Variants in IL1R1 observed in about 807,000 individuals in gnomAD.
IL1R1 encodes the protein interleukin 1 receptor type 1.
In IL1R1, 22 loss-of-function variants were observed where a neutral mutation model predicts 50.2. That is an observed-to-expected ratio of 0.44 (90% CI 0.31 to 0.63). The LOEUF (loss-of-function observed/expected upper bound fraction) is 0.63. Ranked by LOEUF, IL1R1 falls within the 20% of genes least tolerant of loss-of-function variation. The probability of loss-of-function intolerance (pLI) is 0.07; values close to 1 mark genes in which losing one functional copy is unlikely to be tolerated. For missense variants in IL1R1, 509 were observed against 676.2 expected, an observed-to-expected ratio of 0.75 and a Z score of 2.74; for synonymous variants, 251 against 236.7, an observed-to-expected ratio of 1.06 and a Z score of -0.55.
chr2:102,171,879 T>C lies in IL1R1; in HGVS notation c.800T>C (p.Ile267Thr). 1 of 1,607,778 alleles carries C rather than the reference T, an allele frequency of 6.2e-7. No homozygotes were observed. Residue 267 changes from isoleucine to threonine, a missense_variant, in exon 8 of 12, where the codon ATT becomes ACT. Coordinates refer to ENST00000410023, the MANE Select transcript of IL1R1 (RefSeq NM_000877.4). The part of the protein sequence containing the change: ...IAYWKWNGSV[I>T]DEDDPVLGED... ...TACTGGAAGTGGAATGGGTCAGTAA[T>C]TGATGAAGATGACCCAGTGCTAGGG... is the stretch of plus-strand genomic sequence containing the variant.
chr2:102,077,595 T>C (rs1270713227), intron 1 of IL1R1, among the ~76,000 whole-genome samples: 1 of 152,246 alleles, frequency 6.6e-6, no homozygotes, highest in Admixed American at 6.5e-5. Context: ...ATTCTTGCTC[T>C]GTGTTAGTTC....
At chr2:102,102,047 T>G (rs1680166727), upstream of IL1R1, among the ~76,000 whole-genome samples, 1 of 152,180 alleles carries the variant, frequency 6.6e-6, no homozygotes, top group African/African-American at 2.4e-5. Context: ...CCTCCAATTT[T>G]TCTCCTTTTT....
At chr2:102,163,572 C>A (rs1684913466) in intron 3 of IL1R1, among the ~76,000 whole-genome samples, 1 of 152,048 alleles carries the variant, frequency 6.6e-6, no homozygotes, top group South Asian at 2.1e-4. Context: ...AAATCTCTTT[C>A]ATGTCTTCAC....
intron 1 of IL1R1, among the ~76,000 whole-genome samples, chr2:102,074,777 G>A (rs570231161): frequency 6.6e-6 from 1 of 152,300 alleles, no homozygotes; most frequent in South Asian, 2.1e-4. Flanking sequence ...AACAATACAG[G>A]AAGGGATTTT....
At chr2:102,175,981 T>G in intron 11 of IL1R1, 1 of 477,306 alleles carries the variant, frequency 2.1e-6, no homozygotes, top group Non-Finnish European at 3.7e-6. Flanking sequence ...GTTTTCTGAG[T>G]TCTAAATGAA....
At chr2:102,108,945 GAATAATAATAATAATAAT>G (rs147984449) in intron 1 of IL1R1, among the ~76,000 whole-genome samples, 18 of 145,392 alleles carry the variant, frequency 1.2e-4, no homozygotes, top group East Asian at 4.0e-4. Context: ...ACTTGGTACT[GAATAATAATAATAATAAT>G]AATAATAATA....
chr2:102,118,299 C>T (rs189306116), intron 1 of IL1R1, among the ~76,000 whole-genome samples: 1 of 152,140 alleles, frequency 6.6e-6, no homozygotes, highest in East Asian at 1.9e-4. Flanking sequence ...GTAGCCCACC[C>T]GGAGAGGGCA....
At position 102,154,463 on chromosome 2, in the gene IL1R1, C is replaced by T. The variant is rs3917230; in HGVS notation, c.-7+446C>T. On this transcript the variant is annotated intron_variant, in intron 2 of 11. Coordinates refer to ENST00000410023, the MANE Select transcript of IL1R1 (RefSeq NM_000877.4). Reference sequence around the variant, plus strand: ...GGTGACACCCTCTGAGCATCTTTTCCGAGCTGTCTGTGGGTACCTGAACCT... The same window carrying T: ...GGTGACACCCTCTGAGCATCTTTTCTGAGCTGTCTGTGGGTACCTGAACCT... 3.7e-3 allele frequency among the ~76,000 whole-genome samples: 558 copies of T among 152,284 alleles called. 3 individuals are homozygous for T. Among genetic ancestry groups the T allele is most frequent in the African/African-American group, 0.013 (539 of 41,540 alleles).
chr2:102,133,105 A>G (rs1235268157), intron 1 of IL1R1, among the ~76,000 whole-genome samples: 4 of 151,984 alleles, frequency 2.6e-5, no homozygotes, highest in Non-Finnish European at 4.4e-5. Context: ...TTAGCTGGAC[A>G]TGGTGGCGGG....
chr2:102,082,306 T>G (rs1679246402), intron 1 of IL1R1, among the ~76,000 whole-genome samples: 1 of 152,150 alleles, frequency 6.6e-6, no homozygotes. Context: ...GAGATATATT[T>G]GCCATGTGAT....
intron 1 of IL1R1, among the ~76,000 whole-genome samples, chr2:102,124,418 T>TC (rs890404439): frequency 2.7e-5 from 4 of 148,100 alleles, no homozygotes; most frequent in Non-Finnish European, 6.0e-5. Flanking sequence ...AGACTCCATC[T>TC]CCCCCCCACC....
At chr2:102,173,085 T>C (rs568033484) in intron 9 of IL1R1, among the ~76,000 whole-genome samples, 178 of 152,298 alleles carry the variant, frequency 1.2e-3, no homozygotes, top group African/African-American at 4.1e-3. Context: ...TGTACTTCTG[T>C]AGCACCATAT....
chr2:102,135,376 C>T (rs1161516346), intron 1 of IL1R1, among the ~76,000 whole-genome samples: 1 of 152,098 alleles, frequency 6.6e-6, no homozygotes, highest in Non-Finnish European at 1.5e-5. Context: ...GAAGACACTC[C>T]TCACCCCTAC....
chr2:102,169,376 A>C (rs891307663), intron 7 of IL1R1, among the ~76,000 whole-genome samples: 1 of 152,244 alleles, frequency 6.6e-6, no homozygotes. Context: ...AAATTAAGTC[A>C]ATTGATTCAT....
At chr2:102,159,163 G>C (rs1211784469) in intron 3 of IL1R1, among the ~76,000 whole-genome samples, 4 of 152,194 alleles carry the variant, frequency 2.6e-5, no homozygotes, top group Non-Finnish European at 5.9e-5. Flanking sequence ...ACTTTGACTA[G>C]GCAGTCTACA....
intron 1 of IL1R1, among the ~76,000 whole-genome samples, chr2:102,112,365 T>C (rs1577873488): frequency 6.7e-6 from 1 of 149,784 alleles, no homozygotes; most frequent in African/African-American, 2.5e-5. Context: ...TTGTGGGAGG[T>C]GTTTGGGGGA....
At chr2:102,141,490 G>T (rs191556954), upstream of IL1R1, among the ~76,000 whole-genome samples, 6 of 152,302 alleles carry the variant, frequency 3.9e-5, no homozygotes, top group Admixed American at 2.6e-4. Flanking sequence ...AACCATAAAA[G>T]CTTCTGGAAA....
chr2:102,107,596 C>G (rs1251252799), intron 1 of IL1R1, among the ~76,000 whole-genome samples: 3 of 152,066 alleles, frequency 2.0e-5, no homozygotes, highest in Non-Finnish European at 4.4e-5. Context: ...ACATATGTAA[C>G]AAACCTGCAT....
At chr2:102,107,333 T>C (rs968922000) in intron 1 of IL1R1, among the ~76,000 whole-genome samples, 11 of 152,124 alleles carry the variant, frequency 7.2e-5, no homozygotes, top group African/African-American at 2.7e-4. Flanking sequence ...TGAGTTCATG[T>C]CCTTTGTAGG....
Sources: allele counts gnomAD v4.1 joint callset (sites outside exome capture counted in the v4.1 genomes callset), GRCh38; gene constraint gnomAD v4.1.1; transcripts MANE v1.5; gene names NCBI Gene and HGNC (gene_info 2026-07-23, HGNC 2026-07-21).